MED16: variants seen among roughly 807,000 people sequenced by gnomAD.
The protein encoded by MED16 is mediator of RNA polymerase II transcription subunit 16.
Under a neutral mutation model 84.4 loss-of-function variants are expected in MED16, and 81 were observed. The ratio of observed to expected loss-of-function variants is 0.96; its 90% CI spans 0.80 to 1.15. The LOEUF (loss-of-function observed/expected upper bound fraction) is 1.15, where lower values mean the gene tolerates loss of function less well. Ranked by LOEUF, MED16 falls within the 50% of genes most tolerant of loss-of-function variation. The probability of loss-of-function intolerance (pLI) is 0.00; values close to 1 mark genes in which losing one functional copy is unlikely to be tolerated. For missense variants in MED16, 1,585 were observed against 1,245.9 expected, an observed-to-expected ratio of 1.27 and a Z score of -4.10; for synonymous variants, 897 against 552.2, an observed-to-expected ratio of 1.62 and a Z score of -8.76.
At chr19:871,639 C>A (rs934128369) in intron 12 of MED16, 1 of 1,593,754 alleles carries the variant, frequency 6.3e-7, no homozygotes, top group South Asian at 1.1e-5. Flanking sequence ...AGCACCCACA[C>A]AGAGCATGGA....
intron 8 of MED16, among the ~76,000 whole-genome samples, chr19:878,622 A>C (rs1472778924): frequency 0.037 from 167 of 4,540 alleles, 2 homozygotes; most frequent in African/African-American, 0.084. Flanking sequence ...CCCACCAGCC[A>C]CAACCCCAGC....
rs2036591024 is a variant in MED16, at chr19:889,527, A to T, written c.447+111T>A. 2.2e-6 allele frequency: 3 copies of T among 1,341,256 alleles called. No homozygotes were observed. In the South Asian group the frequency reaches 4.4e-5, roughly 20 times the overall value. The allele number at this position is 1,341,256 out of a possible 1,614,324, so 83.1% of individuals were successfully genotyped here. On this transcript the variant is annotated intron_variant, in intron 4 of 15. Transcript: ENST00000325464. Reference sequence around the variant, plus strand: ...CGGACTGCAGGTGGGAGCCAAGTGCAAGGTCCAAAAAACCAGGGGATGCTG... The same window carrying T: ...CGGACTGCAGGTGGGAGCCAAGTGCTAGGTCCAAAAAACCAGGGGATGCTG...
In MED16 at chr19:889,817, A is replaced by G; in HGVS notation, c.278-10T>C. ...GACAGGAGCCGGGAGCCTGAGGGCA[A>G]GAAGCCATCATTGCGAACCTTCCAG... On this transcript the variant is annotated splice_polypyrimidine_tract_variant and intron_variant, in intron 3 of 15. Transcript: ENST00000325464. The G allele has an allele frequency of 6.2e-7, 1 of 1,606,166 alleles. No individual in the cohort carries two copies. Among genetic ancestry groups the G allele is most frequent in the Non-Finnish European group, 8.5e-7 (1 of 1,177,294 alleles).
At position 884,235 on chromosome 19, in the gene MED16, G is replaced by A. The variant is rs377473004; in HGVS notation, c.985+668C>T. Among the ~76,000 whole-genome samples the A allele has an allele frequency of 5.4e-4, 83 of 152,324 alleles. No individual in the cohort carries two copies. In the South Asian group the frequency reaches 0.012, roughly 22 times the overall value. Reference sequence around the variant, plus strand: ...CCTAAAAACCAGGCCCGCAGCCTCCGAGGCTCTGAAAACCAAGCGGCTGTT... The same window carrying A: ...CCTAAAAACCAGGCCCGCAGCCTCCAAGGCTCTGAAAACCAAGCGGCTGTT... On this transcript the variant is annotated intron_variant, in intron 6 of 15. Coordinates refer to ENST00000325464, the MANE Select transcript of MED16 (RefSeq NM_005481.3).
Position 868,002 on chromosome 19 carries a change from C to T in MED16, c.*99G>A, listed in dbSNP as rs117801197. 7.6e-3 allele frequency: 11,025 copies of T among 1,443,804 alleles called. 591 individuals carry two copies. In the East Asian group the frequency reaches 0.15, roughly 19 times the overall value. The allele number at this position is 1,443,804 out of a possible 1,614,324, so 89.4% of individuals were successfully genotyped here. A position where few individuals can be genotyped will look rare whatever the true frequency, so the allele number is the denominator to read the frequency against. ...GTTTATTGGACCTGTCCTTCCCAGC[C>T]GCTGCTTGTCCAGGTTCAGCGCTCT... On this transcript the variant is annotated 3_prime_UTR_variant, in exon 16 of 16. Transcript: ENST00000325464.
In MED16 at chr19:879,871, A is replaced by G. The variant is rs1568327340; in HGVS notation, c.1353+66T>C. ...CACCTTCCCCTGGTTGTCAATGCCC[A>G]GCAGCTCGCCTTCCCCTGGTTGTCA... On this transcript the variant is annotated intron_variant, in intron 8 of 15. Coordinates refer to ENST00000325464, the MANE Select transcript of MED16 (RefSeq NM_005481.3). 14 of 1,262,908 alleles carry G rather than the reference A, an allele frequency of 1.1e-5. 1 individual carries two copies. Among genetic ancestry groups the G allele is most frequent in the African/African-American group, 5.3e-5 (3 of 56,468 alleles). 78.2% of individuals were successfully genotyped at this position (1,262,908 alleles called of 1,614,324 possible).
intron 6 of MED16, among the ~76,000 whole-genome samples, chr19:884,431 G>GGTGGA (rs1215735006): frequency 6.6e-6 from 1 of 152,082 alleles, no homozygotes; most frequent in Non-Finnish European, 1.5e-5. Context: ...GGTGGGGTGG[G>GGTGGA]GGGCGTGTTC....
chr19:882,166 T>TC lies in MED16; in HGVS notation c.986-453dup, dbSNP rs2036433847. Among the ~76,000 whole-genome samples, 8 of 152,308 alleles carry TC rather than the reference T, an allele frequency of 5.3e-5. No homozygotes were observed. The South Asian group carries it at 1.7e-3, about 32-fold the overall frequency. On this transcript the variant is annotated intron_variant, in intron 6 of 15. Transcript: ENST00000325464. ...GACAGCCCCTGCGTGAAGACGCAGCTCCTCCCAACAGGGCAGAGACTTCTG... is the reference window on the plus strand; with the variant it reads ...GACAGCCCCTGCGTGAAGACGCAGCTCCCTCCCAACAGGGCAGAGACTTCTG...
chr19:873,731 G>C, intron 10 of MED16, 149 bp from the exon 11 acceptor site: 2 of 962,892 alleles, frequency 2.1e-6, no homozygotes, highest in South Asian at 1.6e-5. Context: ...GGGGGCGATG[G>C]CGTTGCCGGA....
chr19:884,815 G>T (rs370321826), intron 6 of MED16, 88 bp downstream of exon 6: 1 of 1,039,974 alleles, frequency 9.6e-7, no homozygotes, highest in Non-Finnish European at 1.4e-6. Context: ...GGACCACCCT[G>T]GGTGACACAG....
intron 12 of MED16, 188 bp downstream of exon 12, chr19:871,738 G>C (rs539250559): frequency 1.9e-6 from 2 of 1,046,798 alleles, no homozygotes; most frequent in East Asian, 2.5e-5. Context: ...GGCTCAGGCA[G>C]GACTTGTGTT....
chr19:884,322 G>A (rs992056892), intron 6 of MED16, among the ~76,000 whole-genome samples: 7 of 152,168 alleles, frequency 4.6e-5, no homozygotes, highest in Non-Finnish European at 7.3e-5. Flanking sequence ...ATTTTGTGCC[G>A]GAGGTGGGGA....
intron 11 of MED16, among the ~76,000 whole-genome samples, chr19:872,495 G>A (rs2036103102): frequency 6.6e-6 from 1 of 152,178 alleles, no homozygotes; most frequent in Admixed American, 6.5e-5. Context: ...GGAGGCCCCA[G>A]GGGTGGCCCC....
Position 870,912 on chromosome 19 carries a change from C to T in MED16, c.2315+125G>A, listed in dbSNP as rs529551025. 2.9e-3 allele frequency: 2,583 copies of T among 897,292 alleles called. 10 individuals are homozygous for T. The highest frequency in any genetic ancestry group is 3.1e-3 in the Non-Finnish European group (1,945 of 624,168). 55.6% of individuals were successfully genotyped at this position (897,292 alleles called of 1,614,324 possible). On this transcript the variant is annotated intron_variant, in intron 13 of 15. Coordinates refer to ENST00000325464, the MANE Select transcript of MED16 (RefSeq NM_005481.3). ...CGGGCAGGACATGGAGGCGGGGAGC[C>T]GTGTGGATTCGGGGGGACCTGGGGC...
intron 1 of MED16, among the ~76,000 whole-genome samples, chr19:891,414 C>CT (rs982746405): frequency 5.3e-4 from 80 of 152,326 alleles, no homozygotes; most frequent in African/African-American, 1.8e-3. Context: ...CAGGACCCCT[C>CT]TGGCTGTCTA....
chr19:880,757 C>G (rs1382479274), intron 7 of MED16, among the ~76,000 whole-genome samples: 1 of 152,010 alleles, frequency 6.6e-6, no homozygotes, highest in East Asian at 1.9e-4. Flanking sequence ...CCCGTCTCTA[C>G]TAAAATACAA....
chr19:873,312 C>A (rs1176377143), intron 11 of MED16, 137 bp downstream of exon 11: 3 of 535,868 alleles, frequency 5.6e-6, no homozygotes, highest in Admixed American at 3.8e-5. Flanking sequence ...CAAGTAGGGG[C>A]GGGACTCCAA....
At chr19:879,612 C>A (rs1387756041) in intron 8 of MED16, among the ~76,000 whole-genome samples, 1 of 110,794 alleles carries the variant, frequency 9.0e-6, no homozygotes, top group Non-Finnish European at 1.8e-5. Flanking sequence ...GTTGTCAATG[C>A]CCCCCAAGCC....
rs914491159 is a variant in MED16 at position 881,769 on chromosome 19, A to G, written c.986-55T>C. On this transcript the variant is annotated intron_variant, in intron 6 of 15. Coordinates refer to ENST00000325464, the MANE Select transcript of MED16 (RefSeq NM_005481.3). ...GGCAATGGAGTAAAGACAGGCTGAGACAGCCGCAGGAGTCCAGCATGGCCT... is the reference window on the plus strand; with the variant it reads ...GGCAATGGAGTAAAGACAGGCTGAGGCAGCCGCAGGAGTCCAGCATGGCCT... The G allele has an allele frequency of 2.3e-5, 37 of 1,576,004 alleles. No homozygotes were observed. In the African/African-American group the frequency reaches 3.9e-4, roughly 17 times the overall value.
Sources: gnomAD v4.1 joint callset for allele counts (sites outside exome capture counted in the v4.1 genomes callset) on GRCh38, gnomAD v4.1.1 for gene constraint, MANE v1.5 for transcripts, NCBI Gene and HGNC (gene_info 2026-07-23, HGNC 2026-07-21) for gene names.